The following LAMA2 variants were observed in gnomAD, a reference collection of about 807,000 sequenced individuals.
LAMA2 encodes laminin subunit alpha 2.
A neutral mutation model predicts 364.8 loss-of-function variants in LAMA2; 269 were observed. The observed-to-expected ratio is 0.74, with a 90% CI of 0.67 to 0.82. The LOEUF is 0.82. LAMA2 is among the 40% of genes least tolerant of loss of function. The pLI, the probability that LAMA2 is intolerant of heterozygous loss-of-function variation, is 0.00. For missense variants in LAMA2, 3,807 were observed against 3,873.2 expected (o/e 0.98, Z 0.45); for synonymous variants, 1,379 against 1,370.6 (o/e 1.01, Z -0.14).
chr6:129,013,734 G>C (rs929397179), intron 1 of LAMA2, among the ~76,000 whole-genome samples: 1 of 151,870 alleles, frequency 6.6e-6, no homozygotes, highest in Admixed American at 6.6e-5. Context: ...TATTTATTTG[G>C]TTACCATATA....
At chr6:129,190,570 A>T (rs768298446) in intron 11 of LAMA2, among the ~76,000 whole-genome samples, 1 of 152,200 alleles carries the variant, frequency 6.6e-6, no homozygotes, top group Non-Finnish European at 1.5e-5. Context: ...AGGTAGACAT[A>T]GTCTTTTTAG....
chr6:129,334,971 C>T (rs1449256363), intron 29 of LAMA2, among the ~76,000 whole-genome samples: 1 of 152,172 alleles, frequency 6.6e-6, no homozygotes, highest in Non-Finnish European at 1.5e-5. Flanking sequence ...CATAGCAAGC[C>T]TTAACCCCCA....
intron 1 of LAMA2, among the ~76,000 whole-genome samples, chr6:128,969,996 G>A (rs1336843516): frequency 6.6e-6 from 1 of 152,060 alleles, no homozygotes; most frequent in Non-Finnish European, 1.5e-5. Flanking sequence ...AAAATCAGTG[G>A]AAATAATTTT....
At chr6:129,314,393 C>A (rs1399628688) in intron 23 of LAMA2, among the ~76,000 whole-genome samples, 3 of 69,450 alleles carry the variant, frequency 4.3e-5, no homozygotes, top group Non-Finnish European at 7.8e-5. Flanking sequence ...AGCGAGACTC[C>A]GTCTCAAAAA....
intron 1 of LAMA2, among the ~76,000 whole-genome samples, chr6:128,943,869 GA>G (rs2114549598): frequency 6.6e-6 from 1 of 152,266 alleles, no homozygotes; most frequent in African/African-American, 2.4e-5. Context: ...GATTTAGAGA[GA>G]TCACTTATAA....
At chr6:129,239,178 G>C (rs1785225480) in intron 12 of LAMA2, among the ~76,000 whole-genome samples, 1 of 152,148 alleles carries the variant, frequency 6.6e-6, no homozygotes, top group South Asian at 2.1e-4. Context: ...CTGTTATATT[G>C]TTTTGATTTC....
chr6:129,014,130 C>T (rs964052300), intron 1 of LAMA2, among the ~76,000 whole-genome samples: 1 of 152,080 alleles, frequency 6.6e-6, no homozygotes, highest in Non-Finnish European at 1.5e-5. Flanking sequence ...CAAGATTTTT[C>T]ATGGAGGGAA....
intron 1 of LAMA2, among the ~76,000 whole-genome samples, chr6:128,953,623 G>A (rs942088008): frequency 6.0e-5 from 9 of 149,558 alleles, no homozygotes; most frequent in Non-Finnish European, 1.2e-4. Flanking sequence ...GTGTGTGTGT[G>A]TGAATGTATG....
intron 4 of LAMA2, among the ~76,000 whole-genome samples, chr6:129,133,514 A>G (rs1239293042): frequency 6.6e-6 from 1 of 152,126 alleles, no homozygotes; most frequent in Non-Finnish European, 1.5e-5. Flanking sequence ...AGAGGTGAGA[A>G]TAGGGAGTTG....
chr6:129,185,666 CTATA>C (rs140944404), intron 10 of LAMA2, among the ~76,000 whole-genome samples: 16,829 of 151,376 alleles, frequency 0.11, 1,001 homozygotes, highest in South Asian at 0.16. Context: ...GAAAAAATGA[CTATA>C]TAGGCTCCAT....
chr6:129,209,800 G>A lies in LAMA2; in HGVS notation c.1782+16947G>A, dbSNP rs530878483. ...GGGCGGATAACGAGGTCAGGAGATCGAGACCATCCTGGCTAACACGATGAA... is the reference window on the plus strand; with the variant it reads ...GGGCGGATAACGAGGTCAGGAGATCAAGACCATCCTGGCTAACACGATGAA... On this transcript the variant is annotated intron_variant, in intron 12 of 64. Transcript: ENST00000421865. Among the ~76,000 whole-genome samples the A allele has an allele frequency of 1.5e-3, 230 of 151,880 alleles. 1 individual carries two copies. Among genetic ancestry groups the A allele is most frequent in the African/African-American group, 5.4e-3 (225 of 41,438 alleles).
chr6:129,174,089 T>C (rs192536582), intron 9 of LAMA2, among the ~76,000 whole-genome samples: 21 of 152,232 alleles, frequency 1.4e-4, no homozygotes, highest in Admixed American at 5.2e-4. Context: ...TCTTTACTTA[T>C]AATAATGATA....
chr6:129,353,164 G>C lies in LAMA2; in HGVS notation c.4524G>C (p.Arg1508Ser). Residue 1508 changes from arginine (R) to serine (S), a missense_variant and splice_region_variant, in exon 32 of 65, where the codon AGG (arginine) becomes AGC (serine). Arg to Ser is a moderately radical substitution (Grantham distance 110). This residue lies in a region of LAMA2 where 3,333 missense variants were observed against 3,345.7 expected (regional missense o/e 1.00). Coordinates refer to ENST00000421865, the MANE Select transcript of LAMA2 (RefSeq NM_000426.4). The stretch of plus-strand genomic sequence containing the variant: ...TTGCTTTGTCACTGTTTCAATTCAG[G>C]TGTGCCCCTGGCTATACTGGCAGTC... ...PRGYEGQYCE[R>S]CAPGYTGSPG... The C allele has an allele frequency of 1.1e-5, 18 of 1,612,162 alleles. No individual in the cohort carries two copies. Among genetic ancestry groups the C allele is most frequent in the Non-Finnish European group, 1.5e-5 (18 of 1,178,488 alleles).
intron 35 of LAMA2, among the ~76,000 whole-genome samples, chr6:129,384,142 T>C (rs942941338): frequency 6.6e-6 from 1 of 152,208 alleles, no homozygotes. Flanking sequence ...ATTTGAGAGC[T>C]AATTTGAGGC....
intron 1 of LAMA2, among the ~76,000 whole-genome samples, chr6:128,962,661 G>GT (rs1781608050): frequency 1.3e-5 from 2 of 152,150 alleles, no homozygotes; most frequent in African/African-American, 2.4e-5. Context: ...AAAAAGGCCT[G>GT]ATTTACTGAT....
intron 9 of LAMA2, among the ~76,000 whole-genome samples, chr6:129,171,330 G>T (rs1472765780): frequency 6.6e-6 from 1 of 152,126 alleles, no homozygotes; most frequent in Non-Finnish European, 1.5e-5. Flanking sequence ...TCCTTTCCAT[G>T]TTTAGTGCTT....
At chr6:129,343,568 T>C (rs1326475838) in intron 30 of LAMA2, among the ~76,000 whole-genome samples, 1 of 152,184 alleles carries the variant, frequency 6.6e-6, no homozygotes, top group Non-Finnish European at 1.5e-5. Context: ...TGTCTCTCTT[T>C]CCCTAATTTC....
intron 1 of LAMA2, among the ~76,000 whole-genome samples, chr6:128,973,418 C>A (rs147220402): frequency 6.6e-6 from 1 of 152,142 alleles, no homozygotes. Flanking sequence ...ATGATTGAAG[C>A]AGTTATTTTT....
chr6:129,252,537 G>A (rs1233452113), intron 14 of LAMA2, among the ~76,000 whole-genome samples: 1 of 152,160 alleles, frequency 6.6e-6, no homozygotes, highest in Non-Finnish European at 1.5e-5. Flanking sequence ...GTCAGAACAT[G>A]TGATCAATAA....
Sources: allele counts gnomAD v4.1 joint callset (sites outside exome capture counted in the v4.1 genomes callset), GRCh38; gene constraint gnomAD v4.1.1; regional missense constraint gnomAD v4.1.1; transcripts MANE v1.5; gene names NCBI Gene and HGNC (gene_info 2026-07-23, HGNC 2026-07-21).